Variants in GPC5 observed in about 807,000 individuals in gnomAD.
GPC5 encodes the protein glypican-5.
GPC5 carries 47 observed loss-of-function variants against 53.9 expected under a neutral mutation model. The ratio of observed to expected loss-of-function variants is 0.87; its 90% confidence interval spans 0.69 to 1.11. The LOEUF (loss-of-function observed/expected upper bound fraction) is 1.11, where lower values mean the gene tolerates loss of function less well. Ranked by LOEUF, GPC5 falls within the 50% of genes most tolerant of loss-of-function variation. The pLI, the probability that GPC5 is intolerant of heterozygous loss-of-function variation, is 0.00. For missense variants in GPC5, 748 were observed against 713.1 expected (o/e 1.05, Z -0.56); for synonymous variants, 286 against 263.3 (o/e 1.09, Z -0.84).
At chr13:92,040,975 C>T (rs1242061436) in intron 6 of GPC5, among the ~76,000 whole-genome samples, 3 of 152,090 alleles carry the variant, frequency 2.0e-5, no homozygotes, top group African/African-American at 4.8e-5. Context: ...CTCAGCCTCC[C>T]GAGTACCTGG....
chr13:92,406,650 G>C (rs1875809059), intron 7 of GPC5, among the ~76,000 whole-genome samples: 1 of 152,112 alleles, frequency 6.6e-6, no homozygotes, highest in African/African-American at 2.4e-5. Context: ...CTCATATCAT[G>C]TTTACTCAAA....
intron 2 of GPC5, among the ~76,000 whole-genome samples, chr13:91,618,724 A>G (rs759776858): frequency 1.3e-5 from 2 of 151,810 alleles, no homozygotes; most frequent in Admixed American, 6.6e-5. Context: ...TGTTGCCTGG[A>G]GTCTAAGCCC....
chr13:92,759,265 T>A (rs1473419422), intron 7 of GPC5, among the ~76,000 whole-genome samples: 2 of 151,972 alleles, frequency 1.3e-5, no homozygotes, highest in African/African-American at 4.8e-5. Context: ...GATTGTTTTA[T>A]CTATTTCTGT....
chr13:92,652,719 T>C (rs932382510), intron 7 of GPC5, among the ~76,000 whole-genome samples: 1 of 152,204 alleles, frequency 6.6e-6, no homozygotes, highest in African/African-American at 2.4e-5. Context: ...TAATAAATAT[T>C]GATCAGATGA....
intron 6 of GPC5, among the ~76,000 whole-genome samples, chr13:92,114,088 A>C (rs2138932218): frequency 6.6e-6 from 1 of 152,334 alleles, no homozygotes; most frequent in African/African-American, 2.4e-5. Flanking sequence ...GTAGCCATTT[A>C]CTGGAAAACA....
chr13:92,141,502 A>G (rs1265375836), intron 6 of GPC5, among the ~76,000 whole-genome samples: 2 of 152,192 alleles, frequency 1.3e-5, no homozygotes, highest in East Asian at 3.9e-4. Flanking sequence ...TACAGAAATG[A>G]TGACCTCTCA....
chr13:92,006,332 C>A (rs1295599522), intron 6 of GPC5, among the ~76,000 whole-genome samples: 2 of 152,090 alleles, frequency 1.3e-5, no homozygotes, highest in Non-Finnish European at 2.9e-5. Flanking sequence ...TTCCTAAAAC[C>A]ATTTCTGTGA....
intron 7 of GPC5, among the ~76,000 whole-genome samples, chr13:92,271,350 G>T (rs1566512719): frequency 1.3e-5 from 2 of 152,102 alleles, no homozygotes; most frequent in Admixed American, 6.5e-5. Flanking sequence ...TTTTCCCAGG[G>T]ATCATGATAA....
chr13:91,687,739 C>T (rs755206133), intron 2 of GPC5, among the ~76,000 whole-genome samples: 3 of 151,978 alleles, frequency 2.0e-5, no homozygotes, highest in African/African-American at 4.8e-5. Context: ...AAAACACACA[C>T]ACAAAAAATT....
intron 7 of GPC5, among the ~76,000 whole-genome samples, chr13:92,245,284 C>G (rs1204933050): frequency 6.6e-6 from 1 of 152,100 alleles, no homozygotes; most frequent in Admixed American, 6.6e-5. Flanking sequence ...AAAGGGCTGT[C>G]CATGACTACC....
chr13:91,636,355 T>C (rs991562904), intron 2 of GPC5, among the ~76,000 whole-genome samples: 3 of 151,200 alleles, frequency 2.0e-5, no homozygotes, highest in Non-Finnish European at 4.4e-5. Flanking sequence ...ATTAAAAACA[T>C]ATATAGTGTA....
chr13:91,807,960 G>C (rs1333202352), intron 5 of GPC5, among the ~76,000 whole-genome samples: 3 of 152,110 alleles, frequency 2.0e-5, no homozygotes, highest in Non-Finnish European at 2.9e-5. Flanking sequence ...TGAATTTCTT[G>C]GAGGCAACTG....
chr13:92,165,323 CTGAA>C (rs1234888151), intron 7 of GPC5, among the ~76,000 whole-genome samples: 2 of 152,100 alleles, frequency 1.3e-5, no homozygotes, highest in Non-Finnish European at 2.9e-5. Context: ...ATGAATAAAA[CTGAA>C]TGCTTTTAAG....
intron 7 of GPC5, among the ~76,000 whole-genome samples, chr13:92,450,688 A>C (rs1282338197): frequency 6.6e-6 from 1 of 152,212 alleles, no homozygotes; most frequent in Non-Finnish European, 1.5e-5. Context: ...ACACTTGAGG[A>C]CAAATGCAAG....
intron 7 of GPC5, among the ~76,000 whole-genome samples, chr13:92,213,279 T>A (rs1334647467): frequency 6.6e-6 from 1 of 152,214 alleles, no homozygotes; most frequent in Non-Finnish European, 1.5e-5. Flanking sequence ...TGACAAACTT[T>A]CCATCCTCCC....
chr13:92,583,795 G>T (rs1416285698), intron 7 of GPC5, among the ~76,000 whole-genome samples: 1 of 152,142 alleles, frequency 6.6e-6, no homozygotes, highest in African/African-American at 2.4e-5. Context: ...AGTGTTGTGG[G>T]AGGGACCTCG....
chr13:91,751,661 C>T (rs2037179348), intron 4 of GPC5, among the ~76,000 whole-genome samples: 1 of 152,222 alleles, frequency 6.6e-6, no homozygotes, highest in Non-Finnish European at 1.5e-5. Context: ...AGCCAACTTC[C>T]AAGCGCCTGT....
intron 7 of GPC5, among the ~76,000 whole-genome samples, chr13:92,819,267 C>T (rs547210660): frequency 2.8e-4 from 43 of 151,140 alleles, no homozygotes; most frequent in Non-Finnish European, 2.5e-4. Context: ...ATACCTAGCA[C>T]ATACTTAAAT....
intron 1 of GPC5, among the ~76,000 whole-genome samples, chr13:91,401,043 G>T (rs188456101): frequency 8.5e-5 from 13 of 152,244 alleles, no homozygotes; most frequent in Admixed American, 7.2e-4. Flanking sequence ...GAGGAATCAC[G>T]GGAGCACTCA....
Sources: gnomAD v4.1 joint callset for allele counts (sites outside exome capture counted in the v4.1 genomes callset) on GRCh38, gnomAD v4.1.1 for gene constraint, MANE v1.5 for transcripts, NCBI Gene and HGNC (gene_info 2026-07-23, HGNC 2026-07-21) for gene names.